CEP112: variants seen among roughly 807,000 people sequenced by gnomAD.
CEP112 encodes the protein centrosomal protein of 112 kDa.
In CEP112, 127 loss-of-function variants were observed where a neutral mutation model predicts 153.0. The ratio of observed to expected loss-of-function variants is 0.83; its 90% CI spans 0.72 to 0.96. The LOEUF is 0.96. Among genes scored for constraint, CEP112 ranks in the 40% least tolerant of loss-of-function variants. CEP112 has a pLI of 0.00. For missense variants in CEP112, 1,089 were observed against 1,101.2 expected (o/e 0.99, Z 0.16); for synonymous variants, 358 against 374.4 (o/e 0.96, Z 0.51).
chr17:65,787,024 T>C (rs1205224762), intron 21 of CEP112, among the ~76,000 whole-genome samples: 1 of 152,220 alleles, frequency 6.6e-6, no homozygotes, highest in African/African-American at 2.4e-5. Context: ...TATATCAATA[T>C]ATGGCTTTAT....
intron 12 of CEP112, among the ~76,000 whole-genome samples, chr17:66,045,912 T>A (rs1163651350): frequency 2.0e-5 from 3 of 152,182 alleles, no homozygotes; most frequent in African/African-American, 7.2e-5. Flanking sequence ...TATTTCACTA[T>A]CATTTCCTCA....
chr17:65,911,433 C>A (rs1382796068), intron 19 of CEP112, among the ~76,000 whole-genome samples: 1 of 152,126 alleles, frequency 6.6e-6, no homozygotes, highest in South Asian at 2.1e-4. Context: ...AATTGAACCA[C>A]AAAATTTAAA....
intron 4 of CEP112, among the ~76,000 whole-genome samples, chr17:66,154,113 AG>A (rs1166234382): frequency 3.9e-5 from 6 of 151,948 alleles, no homozygotes; most frequent in Non-Finnish European, 7.4e-5. Flanking sequence ...TGGGAGGTGG[AG>A]GTTGCAGTGA....
chr17:65,956,489 C>A (rs563393140), intron 18 of CEP112, among the ~76,000 whole-genome samples: 6 of 151,824 alleles, frequency 4.0e-5, no homozygotes, highest in African/African-American at 1.4e-4. Flanking sequence ...TTCACATCAA[C>A]CTGGATGTTA....
At position 65,750,645 on chromosome 17, in the gene CEP112, CTT is replaced by C. The variant is rs1239387601; in HGVS notation, c.2457+15_2457+16del. On this transcript the variant is annotated intron_variant, in intron 22 of 26. Coordinates refer to ENST00000535342, the MANE Select transcript of CEP112 (RefSeq NM_001199165.4). ...GTTTTGGTTTTACCCTGTTTTGTGTCTTTTAATGTTGCTTACCTGTGAAGATT... is the reference window on the plus strand; with the variant it reads ...GTTTTGGTTTTACCCTGTTTTGTGTCTTAATGTTGCTTACCTGTGAAGATT... 1.2e-6 allele frequency: 2 copies of C among 1,611,554 alleles called. No homozygotes were observed. Among genetic ancestry groups the C allele is most frequent in the African/African-American group, 2.7e-5 (2 of 74,978 alleles).
At chr17:65,646,377 A>C (rs2045433759) in intron 24 of CEP112, among the ~76,000 whole-genome samples, 1 of 152,244 alleles carries the variant, frequency 6.6e-6, no homozygotes, top group African/African-American at 2.4e-5. Context: ...GGAAAATATT[A>C]CTACCCTGAA....
At chr17:65,655,487 A>G (rs538664957) in intron 24 of CEP112, 155 of 727,360 alleles carry the variant, frequency 2.1e-4, no homozygotes, top group Non-Finnish European at 9.8e-5. Context: ...AGCAGCTCAC[A>G]GAATAATACA....
chr17:66,116,722 A>G (rs1298450334), intron 6 of CEP112, among the ~76,000 whole-genome samples: 1 of 152,156 alleles, frequency 6.6e-6, no homozygotes, highest in Admixed American at 6.5e-5. Context: ...TAACTATCCC[A>G]TGACTATGTG....
chr17:65,856,225 T>A (rs987254204), intron 20 of CEP112, among the ~76,000 whole-genome samples: 1 of 152,080 alleles, frequency 6.6e-6, no homozygotes, highest in African/African-American at 2.4e-5. Context: ...AAGAATAGAA[T>A]TGCGCATTGG....
chr17:65,894,605 T>C lies in CEP112; in HGVS notation c.2163+7547A>G, dbSNP rs184333863. Reference sequence around the variant, plus strand: ...CAAATTAGTATGTGAATATAACAAATATCCACAGATCATAAACCATTCACA... The same window carrying C: ...CAAATTAGTATGTGAATATAACAAACATCCACAGATCATAAACCATTCACA... On this transcript the variant is annotated intron_variant, in intron 20 of 26. Transcript: ENST00000535342. 2.2e-3 allele frequency among the ~76,000 whole-genome samples: 331 copies of C among 152,164 alleles called. 2 individuals are homozygous for C. Among genetic ancestry groups the C allele is most frequent in the Middle Eastern group, 0.01 (3 of 294 alleles).
chr17:66,153,838 C>A (rs2146700806), intron 4 of CEP112, among the ~76,000 whole-genome samples: 1 of 152,010 alleles, frequency 6.6e-6, no homozygotes, highest in East Asian at 1.9e-4. Flanking sequence ...CCAGAAAAAA[C>A]CCACACAAAC....
chr17:66,091,070 G>A (rs1210341315), intron 8 of CEP112, among the ~76,000 whole-genome samples: 1 of 151,890 alleles, frequency 6.6e-6, no homozygotes, highest in Non-Finnish European at 1.5e-5. Context: ...GAGAAGGAGT[G>A]TAATACAATA....
intron 23 of CEP112, among the ~76,000 whole-genome samples, chr17:65,692,619 C>T (rs1308156130): frequency 6.6e-6 from 1 of 152,146 alleles, no homozygotes; most frequent in Non-Finnish European, 1.5e-5. Flanking sequence ...CTGATTTTCT[C>T]TTTTCTTTGC....
intron 6 of CEP112, among the ~76,000 whole-genome samples, chr17:66,122,009 C>T (rs999931610): frequency 1.4e-4 from 22 of 152,064 alleles, no homozygotes; most frequent in African/African-American, 2.4e-4. Flanking sequence ...ATCCTCCTGC[C>T]GCAGCTTCCC....
At chr17:66,092,771 C>T (rs2068192160) in intron 8 of CEP112, among the ~76,000 whole-genome samples, 2 of 152,040 alleles carry the variant, frequency 1.3e-5, no homozygotes, top group South Asian at 2.1e-4. Context: ...GGATAAAAAC[C>T]ATATAATCAT....
chr17:65,833,427 C>A (rs952073886), intron 21 of CEP112, among the ~76,000 whole-genome samples: 6 of 152,148 alleles, frequency 3.9e-5, no homozygotes, highest in African/African-American at 1.4e-4. Context: ...TCTCTGTTTG[C>A]AGACATGATT....
chr17:65,718,408 C>CAA (rs775958879), intron 23 of CEP112, among the ~76,000 whole-genome samples: 5 of 95,068 alleles, frequency 5.3e-5, no homozygotes, highest in South Asian at 3.3e-4. Flanking sequence ...AACTCCATCT[C>CAA]AAAAAAAAAA....
At chr17:65,915,691 G>T (rs2060451919) in intron 19 of CEP112, among the ~76,000 whole-genome samples, 1 of 151,388 alleles carries the variant, frequency 6.6e-6, no homozygotes, top group South Asian at 2.1e-4. Context: ...GGGAGGCTGA[G>T]GCAGGAAAAT....
At chr17:66,050,386 T>C (rs959977319) in intron 12 of CEP112, among the ~76,000 whole-genome samples, 1 of 152,168 alleles carries the variant, frequency 6.6e-6, no homozygotes, top group Admixed American at 6.5e-5. Flanking sequence ...AGGGATCTGT[T>C]CACCACACTT....
Sources: allele counts gnomAD v4.1 joint callset (sites outside exome capture counted in the v4.1 genomes callset), GRCh38; gene constraint gnomAD v4.1.1; transcripts MANE v1.5; gene names NCBI Gene and HGNC (gene_info 2026-07-23, HGNC 2026-07-21).